Variants in DAGLA observed in about 807,000 individuals in gnomAD.
The protein encoded by DAGLA is diacylglycerol lipase-alpha.
DAGLA carries 22 observed loss-of-function variants against 102.6 expected under a neutral mutation model. That is an observed-to-expected ratio of 0.21 (90% CI 0.15 to 0.31). The LOEUF (loss-of-function observed/expected upper bound fraction) is 0.31, where lower values mean the gene tolerates loss of function less well. DAGLA is among the 10% of genes least tolerant of loss of function. DAGLA has a pLI of 1.00. For missense variants in DAGLA, 927 were observed against 1,446.6 expected (o/e 0.64, Z 5.83); for synonymous variants, 578 against 628.9 (o/e 0.92, Z 1.21).
intron 1 of DAGLA, among the ~76,000 whole-genome samples, chr11:61,693,751 G>A (rs1321470889): frequency 6.6e-6 from 1 of 152,246 alleles, no homozygotes; most frequent in Non-Finnish European, 1.5e-5. Flanking sequence ...GCCAGGGGCA[G>A]CCCAGACTCC....
At chr11:61,695,947 G>A (rs886482033) in intron 1 of DAGLA, among the ~76,000 whole-genome samples, 1 of 152,206 alleles carries the variant, frequency 6.6e-6, no homozygotes, top group African/African-American at 2.4e-5. Flanking sequence ...CCCAGGGGCT[G>A]TGGTGACCGT....
intron 1 of DAGLA, among the ~76,000 whole-genome samples, chr11:61,714,152 T>C (rs1203127695): frequency 6.6e-6 from 1 of 152,156 alleles, no homozygotes; most frequent in Non-Finnish European, 1.5e-5. Context: ...ATGTGTGCAA[T>C]GGACTCATCC....
chr11:61,728,326 C>T (rs2065347135), intron 7 of DAGLA, 39 bp downstream of exon 7: 3 of 1,599,072 alleles, frequency 1.9e-6, no homozygotes, highest in Middle Eastern at 1.6e-4. Flanking sequence ...CACCTCTCCA[C>T]ACCACCCTTC....
Position 61,744,631 on chromosome 11 carries a change from G to C in DAGLA, c.*142G>C. Reference sequence around the variant, plus strand: ...AGGCACAGGCATCGCTGCTGAGCTGGGGGTCCGCATCCCTACCTCAGCTTA... The same window carrying C: ...AGGCACAGGCATCGCTGCTGAGCTGCGGGTCCGCATCCCTACCTCAGCTTA... On this transcript the variant is annotated 3_prime_UTR_variant, in exon 20 of 20. Coordinates refer to ENST00000257215, the MANE Select transcript of DAGLA (RefSeq NM_006133.3). 1.5e-6 allele frequency: 1 copy of C among 679,550 alleles called. No individual in the cohort carries two copies. Among genetic ancestry groups the C allele is most frequent in the Non-Finnish European group, 2.4e-6 (1 of 415,012 alleles). 42.1% of individuals were successfully genotyped at this position (679,550 alleles called of 1,614,324 possible). A position where few individuals can be genotyped will look rare whatever the true frequency, so the allele number is the denominator to read the frequency against.
At position 61,703,453 on chromosome 11, in the gene DAGLA, T is replaced by G. The variant is rs200540525; in HGVS notation, c.-44-16659T>G. Among the ~76,000 whole-genome samples the G allele has an allele frequency of 2.6e-3, 386 of 150,124 alleles. 2 individuals carry two copies. The highest frequency in any genetic ancestry group is 8.6e-3 in the African/African-American group (351 of 40,858). On this transcript the variant is annotated intron_variant, in intron 1 of 19. Transcript: ENST00000257215. ...CAAAGCTCTGGGGGTGGGGGTGGGG[T>G]TGGGGTTCTCTCCAGGCTAGAGGAG... is the stretch of plus-strand genomic sequence containing the variant.
chr11:61,710,728 C>G (rs191157581), intron 1 of DAGLA, among the ~76,000 whole-genome samples: 2 of 152,114 alleles, frequency 1.3e-5, no homozygotes, highest in Non-Finnish European at 2.9e-5. Context: ...ACTTAGATCG[C>G]GGAGAGTTAT....
At chr11:61,732,439 G>A (rs1014592441) in intron 9 of DAGLA, among the ~76,000 whole-genome samples, 7 of 152,182 alleles carry the variant, frequency 4.6e-5, no homozygotes, top group Non-Finnish European at 5.9e-5. Context: ...TCCCAGCTGT[G>A]GCAGAGAACT....
intron 3 of DAGLA, among the ~76,000 whole-genome samples, chr11:61,721,516 T>G (rs1484821674): frequency 6.6e-6 from 1 of 152,112 alleles, no homozygotes; most frequent in Non-Finnish European, 1.5e-5. Flanking sequence ...ACTCCCAGAG[T>G]CCAAGATATT....
At chr11:61,719,671 G>C (rs2135580149) in intron 1 of DAGLA, among the ~76,000 whole-genome samples, 1 of 152,312 alleles carries the variant, frequency 6.6e-6, no homozygotes, top group East Asian at 1.9e-4. Context: ...TGGGCTTTGT[G>C]CTGTTGGGTG....
intron 5 of DAGLA, among the ~76,000 whole-genome samples, 182 bp from the exon 6 acceptor site, chr11:61,725,813 A>G (rs2065320840): frequency 6.6e-6 from 1 of 152,186 alleles, no homozygotes; most frequent in Non-Finnish European, 1.5e-5. Flanking sequence ...CCTGCTGGCC[A>G]GCAGCCAGGC....
intron 9 of DAGLA, among the ~76,000 whole-genome samples, chr11:61,732,106 T>C (rs1040636016): frequency 6.6e-6 from 1 of 152,150 alleles, no homozygotes; most frequent in Non-Finnish European, 1.5e-5. Context: ...GGGCGCCTGC[T>C]CCAGGAGGAA....
At chr11:61,731,289 T>TGGTC in intron 8 of DAGLA, 28 bp from the exon 9 acceptor site, 1 of 1,611,260 alleles carries the variant, frequency 6.2e-7, no homozygotes, top group Non-Finnish European at 8.5e-7. Context: ...GGGCAGGAGG[T>TGGTC]GACCGCCCTC....
rs1422441526 is a variant in DAGLA, at chr11:61,744,053, A to G, written c.2693A>G (p.His898Arg). 6.2e-7 allele frequency: 1 copy of G among 1,612,744 alleles called. No individual in the cohort carries two copies. The highest frequency in any genetic ancestry group is 2.2e-5 in the East Asian group (1 of 44,868). Residue 898 changes from histidine to arginine, a missense_variant, in exon 20 of 20, where the codon CAC becomes CGC. Around this residue, in one of 4 missense-constraint regions of DAGLA, gnomAD observed 434 missense variants for 503.3 expected, o/e 0.86. Coordinates refer to ENST00000257215, the MANE Select transcript of DAGLA (RefSeq NM_006133.3). ...GCCTCCCGCGGGGAGCTGGCGCTGCACAATGGGCGCCTGGGGGACTCGCCC... is the reference window on the plus strand; with the variant it reads ...GCCTCCCGCGGGGAGCTGGCGCTGCGCAATGGGCGCCTGGGGGACTCGCCC... ...GPASRGELAL[H>R]NGRLGDSPSP...
intron 1 of DAGLA, among the ~76,000 whole-genome samples, chr11:61,717,568 C>T (rs969296431): frequency 2.6e-5 from 4 of 152,174 alleles, no homozygotes; most frequent in African/African-American, 7.2e-5. Context: ...TTTTACAAAT[C>T]GACATTTTAC....
chr11:61,735,899 C>T, intron 12 of DAGLA, 83 bp downstream of exon 12: 1 of 1,319,914 alleles, frequency 7.6e-7, no homozygotes, highest in Non-Finnish European at 1.0e-6. Context: ...TTGGGGGTTC[C>T]TCCCTGCTCG....
chr11:61,698,522 A>G (rs1243340987), intron 1 of DAGLA, among the ~76,000 whole-genome samples: 1 of 152,156 alleles, frequency 6.6e-6, no homozygotes, highest in African/African-American at 2.4e-5. Context: ...TAGTGGGTGA[A>G]GCTTGGTGCA....
chr11:61,729,577 G>C (rs757885494), intron 8 of DAGLA, among the ~76,000 whole-genome samples: 1 of 152,148 alleles, frequency 6.6e-6, no homozygotes, highest in Non-Finnish European at 1.5e-5. Flanking sequence ...TGGCTGGAGC[G>C]TGCATCTGCT....
rs181472479 is a variant in DAGLA at position 61,719,496 on chromosome 11, T to G, written c.-44-616T>G. On this transcript the variant is annotated intron_variant, in intron 1 of 19. Coordinates refer to ENST00000257215, the MANE Select transcript of DAGLA (RefSeq NM_006133.3). ...CCAAGTCATAGAGCACGCTCTTGGC[T>G]TCCAGCAAAGCAGGAAACTGAAGCC... Among the ~76,000 whole-genome samples the G allele has an allele frequency of 4.8e-3, 724 of 152,356 alleles. 5 individuals carry two copies. Among genetic ancestry groups the G allele is most frequent in the African/African-American group, 0.016 (671 of 41,586 alleles).
intron 7 of DAGLA, 106 bp downstream of exon 7, chr11:61,728,393 C>A (rs932144520): frequency 2.9e-5 from 41 of 1,414,082 alleles, no homozygotes; most frequent in Non-Finnish European, 3.6e-5. Flanking sequence ...CACGCAGCTC[C>A]CCAGTGACCA....
Sources: gnomAD v4.1 joint callset for allele counts (sites outside exome capture counted in the v4.1 genomes callset) on GRCh38, gnomAD v4.1.1 for gene constraint, gnomAD v4.1.1 regional missense constraint, MANE v1.5 for transcripts, NCBI Gene and HGNC (gene_info 2026-07-23, HGNC 2026-07-21) for gene names.